SPPL2A: variants seen among roughly 807,000 people sequenced by gnomAD.
SPPL2A encodes signal peptide peptidase-like 2A.
A neutral mutation model predicts 63.8 loss-of-function variants in SPPL2A; 51 were observed. The ratio of observed to expected loss-of-function variants is 0.80; its 90% confidence interval spans 0.64 to 1.01. The LOEUF (loss-of-function observed/expected upper bound fraction) is 1.01. Ranked by LOEUF, SPPL2A falls within the 50% of genes least tolerant of loss-of-function variation. The pLI is 0.00. For synonymous variants in SPPL2A, 188 were observed against 205.8 expected (o/e 0.91, Z 0.74); for missense variants, 553 against 622.7 (o/e 0.89, Z 1.19).
At chr15:50,746,458 A>G (rs886455430) in intron 5 of SPPL2A, among the ~76,000 whole-genome samples, 5 of 150,384 alleles carry the variant, frequency 3.3e-5, no homozygotes, top group African/African-American at 1.2e-4. Context: ...AAAAAAAAAA[A>G]AAAGGAAAAT....
chr15:50,762,075 G>A (rs1350074598), intron 1 of SPPL2A, among the ~76,000 whole-genome samples: 2 of 151,942 alleles, frequency 1.3e-5, no homozygotes, highest in East Asian at 2.0e-4. Flanking sequence ...GGTGCAAAAT[G>A]TAATTATGGC....
At chr15:50,738,199 A>G (rs899310096) in intron 6 of SPPL2A, among the ~76,000 whole-genome samples, 2 of 151,102 alleles carry the variant, frequency 1.3e-5, no homozygotes, top group African/African-American at 4.9e-5. Context: ...CTCAAAAAAA[A>G]AGATATCATA....
chr15:50,754,795 C>T (rs1032352938), intron 1 of SPPL2A, among the ~76,000 whole-genome samples: 1 of 151,750 alleles, frequency 6.6e-6, no homozygotes, highest in Non-Finnish European at 1.5e-5. Flanking sequence ...CCAGCCTGAC[C>T]AACATGGAGA....
At chr15:50,753,909 G>A (rs997457542) in intron 1 of SPPL2A, among the ~76,000 whole-genome samples, 1 of 152,038 alleles carries the variant, frequency 6.6e-6, no homozygotes, top group Admixed American at 6.6e-5. Flanking sequence ...CAATTGTCCT[G>A]CCTCAGCCTC....
intron 1 of SPPL2A, among the ~76,000 whole-genome samples, chr15:50,757,352 G>T (rs1013028499): frequency 4.6e-5 from 7 of 152,094 alleles, no homozygotes; most frequent in African/African-American, 1.4e-4. Flanking sequence ...AAAGTGCTGG[G>T]ATTACAGGCG....
chr15:50,748,281 T>C, intron 3 of SPPL2A, 79 bp from the exon 4 acceptor site: 5 of 555,346 alleles, frequency 9.0e-6, no homozygotes, highest in Non-Finnish European at 1.5e-5. Context: ...TAAATATAAA[T>C]ATTACGTCTT....
chr15:50,754,970 GA>G (rs1325435261), intron 1 of SPPL2A, among the ~76,000 whole-genome samples: 6 of 150,184 alleles, frequency 4.0e-5, no homozygotes, highest in Non-Finnish European at 7.4e-5. Flanking sequence ...CAACAAGAGT[GA>G]AACTCGGTCT....
chr15:50,727,134 T>C (rs181465698), intron 10 of SPPL2A, among the ~76,000 whole-genome samples: 17 of 152,358 alleles, frequency 1.1e-4, no homozygotes, highest in Admixed American at 8.5e-4. Context: ...AAGCTAAGAC[T>C]GCATGAACCA....
At chr15:50,738,566 C>G (rs1021310589) in intron 6 of SPPL2A, among the ~76,000 whole-genome samples, 3 of 150,898 alleles carry the variant, frequency 2.0e-5, no homozygotes, top group Non-Finnish European at 4.4e-5. Flanking sequence ...AAAAAAAAAG[C>G]TGAATGAAAC....
intron 1 of SPPL2A, among the ~76,000 whole-genome samples, chr15:50,763,128 C>A (rs1009499854): frequency 1.3e-5 from 2 of 151,920 alleles, no homozygotes; most frequent in African/African-American, 2.4e-5. Flanking sequence ...GAAAGGCTAC[C>A]TAGAGCTGTA....
rs1035421752 is a variant in SPPL2A at position 50,754,598 on chromosome 15, T to A, written c.67-4852A>T. 2.6e-5 allele frequency among the ~76,000 whole-genome samples: 4 copies of A among 152,186 alleles called. No individual in the cohort carries two copies. In the South Asian group the frequency reaches 6.2e-4, roughly 24 times the overall value. ...AATAACACAAAACAAGAAAGTATAG[T>A]CTTACTGGGGAGATTAAAAGCAAAC... On this transcript the variant is annotated intron_variant, in intron 1 of 14. Coordinates refer to ENST00000261854, the MANE Select transcript of SPPL2A (RefSeq NM_032802.4).
Position 50,705,354 on chromosome 15 carries a change from AG to A in SPPL2A, c.*2445del, listed in dbSNP as rs1453622655. 1 of 149,700 alleles carries A rather than the reference AG, an allele frequency of 6.7e-6. No homozygotes were observed. Among genetic ancestry groups the A allele is most frequent in the Non-Finnish European group, 1.5e-5 (1 of 67,342 alleles). The allele number at this position is 149,700 out of a possible 1,614,324, so 9.3% of individuals were successfully genotyped here. On this transcript the variant is annotated 3_prime_UTR_variant, in exon 15 of 15. Coordinates refer to ENST00000261854, the MANE Select transcript of SPPL2A (RefSeq NM_032802.4). Reference sequence around the variant, plus strand: ...GACTCCATTTCCAAAAAAAAAAAAAAGAAATTAATTATCTCATTTCGATGTA... The same window carrying A: ...GACTCCATTTCCAAAAAAAAAAAAAAAAATTAATTATCTCATTTCGATGTA...
intron 1 of SPPL2A, among the ~76,000 whole-genome samples, chr15:50,760,364 G>C (rs2062999243): frequency 6.6e-6 from 1 of 152,058 alleles, no homozygotes; most frequent in South Asian, 2.1e-4. Context: ...GGGTTCCAGT[G>C]ATTCTCCTGC....
chr15:50,727,914 G>T (rs938938023), intron 10 of SPPL2A, among the ~76,000 whole-genome samples: 2 of 152,132 alleles, frequency 1.3e-5, no homozygotes, highest in Non-Finnish European at 2.9e-5. Flanking sequence ...ACCACATTAG[G>T]TTGCTAGAAA....
intron 6 of SPPL2A, 127 bp from the exon 7 acceptor site, chr15:50,736,867 T>C (rs1350686172): frequency 5.7e-6 from 3 of 523,408 alleles, no homozygotes; most frequent in African/African-American, 1.9e-5. Flanking sequence ...GACTATACGA[T>C]GACCTGAATT....
At chr15:50,729,518 G>A (rs755539916) in intron 10 of SPPL2A, among the ~76,000 whole-genome samples, 6 of 152,258 alleles carry the variant, frequency 3.9e-5, no homozygotes, top group Non-Finnish European at 7.3e-5. Flanking sequence ...TATTTGGGAA[G>A]CTGAGGTGGT....
intron 14 of SPPL2A, among the ~76,000 whole-genome samples, chr15:50,715,744 T>C (rs2062594954): frequency 6.6e-6 from 1 of 152,116 alleles, no homozygotes; most frequent in Non-Finnish European, 1.5e-5. Flanking sequence ...ATGCAATCAG[T>C]AAAGGTCTAT....
At chr15:50,748,634 G>T in intron 3 of SPPL2A, 54 bp downstream of exon 3, 2 of 1,246,138 alleles carry the variant, frequency 1.6e-6, no homozygotes, top group Non-Finnish European at 2.2e-6. Context: ...TTCCATTTTT[G>T]TGAAATTTCA....
At chr15:50,761,174 T>C (rs1032942431) in intron 1 of SPPL2A, among the ~76,000 whole-genome samples, 5 of 138,450 alleles carry the variant, frequency 3.6e-5, no homozygotes, top group African/African-American at 1.2e-4. Flanking sequence ...CATGCTCAGC[T>C]AATTTTTTAA....
Sources: gnomAD v4.1 joint callset for allele counts (sites outside exome capture counted in the v4.1 genomes callset) on GRCh38, gnomAD v4.1.1 for gene constraint, MANE v1.5 for transcripts, NCBI Gene and HGNC (gene_info 2026-07-23, HGNC 2026-07-21) for gene names.